DLG2: variants seen among roughly 807,000 people sequenced by gnomAD.
The protein encoded by DLG2 is disks large homolog 2.
In DLG2, 45 loss-of-function variants were observed where a neutral mutation model predicts 132.5. That is an observed-to-expected ratio of 0.34 (90% CI 0.27 to 0.44). The LOEUF is 0.44. DLG2 is among the 20% of genes least tolerant of loss of function. DLG2 has a pLI of 1.00. For missense variants in DLG2, 1,045 were observed against 1,196.9 expected, an observed-to-expected ratio of 0.87 and a Z score of 1.87; for synonymous variants, 424 against 419.6, an observed-to-expected ratio of 1.01 and a Z score of -0.13.
intron 3 of DLG2, among the ~76,000 whole-genome samples, chr11:85,309,556 G>A (rs1266896359): frequency 6.6e-6 from 1 of 151,990 alleles, no homozygotes; most frequent in Admixed American, 6.6e-5. Flanking sequence ...ATTCCCAATA[G>A]GCATTTAAAT....
At chr11:85,461,590 T>C (rs1265884149) in intron 3 of DLG2, among the ~76,000 whole-genome samples, 1 of 152,150 alleles carries the variant, frequency 6.6e-6, no homozygotes, top group Non-Finnish European at 1.5e-5. Flanking sequence ...TACTCATTCA[T>C]TTTTTTAACA....
intron 9 of DLG2, among the ~76,000 whole-genome samples, chr11:84,149,200 G>A (rs544999478): frequency 2.0e-5 from 3 of 152,172 alleles, no homozygotes; most frequent in Admixed American, 1.3e-4. Flanking sequence ...TTTCTCTGGT[G>A]TGCAGAAGCT....
chr11:83,701,448 A>T (rs951890483), intron 18 of DLG2, among the ~76,000 whole-genome samples: 1 of 152,170 alleles, frequency 6.6e-6, no homozygotes, highest in African/African-American at 2.4e-5. Context: ...TCATTCATCC[A>T]TCCATTAAAC....
At chr11:85,252,816 A>G (rs914418557) in intron 4 of DLG2, among the ~76,000 whole-genome samples, 1 of 152,162 alleles carries the variant, frequency 6.6e-6, no homozygotes, top group Non-Finnish European at 1.5e-5. Flanking sequence ...AGAGCAAAAC[A>G]TATGTATTTT....
intron 9 of DLG2, among the ~76,000 whole-genome samples, chr11:84,117,032 C>T (rs1160663300): frequency 6.6e-6 from 1 of 152,198 alleles, no homozygotes; most frequent in Non-Finnish European, 1.5e-5. Flanking sequence ...ATAAGCCTTG[C>T]AACTTTGCTC....
chr11:84,572,855 A>G (rs1424981159), intron 6 of DLG2, among the ~76,000 whole-genome samples: 1 of 152,122 alleles, frequency 6.6e-6, no homozygotes, highest in Non-Finnish European at 1.5e-5. Context: ...TGCAGCATCC[A>G]TCTGGGTTCC....
At chr11:84,101,881 A>G (rs559541711) in intron 9 of DLG2, among the ~76,000 whole-genome samples, 14 of 152,128 alleles carry the variant, frequency 9.2e-5, no homozygotes, top group Non-Finnish European at 1.8e-4. Context: ...AGGGTACTCA[A>G]AACTTTGTCC....
chr11:85,154,135 GAAAAA>G (rs34094958), intron 5 of DLG2, among the ~76,000 whole-genome samples: 10 of 57,660 alleles, frequency 1.7e-4, no homozygotes, highest in African/African-American at 5.6e-4. Flanking sequence ...TTCTTTTGGA[GAAAAA>G]AAAAAAAAAA....
intron 6 of DLG2, among the ~76,000 whole-genome samples, chr11:84,650,880 T>TACATAC (rs1565561397): frequency 1.8e-4 from 16 of 90,318 alleles, no homozygotes; most frequent in South Asian, 8.4e-4. Context: ...TGTGTATATA[T>TACATAC]ATATATATAT....
chr11:84,543,705 G>A (rs771172978), intron 6 of DLG2, among the ~76,000 whole-genome samples: 2 of 152,114 alleles, frequency 1.3e-5, no homozygotes, highest in East Asian at 1.9e-4. Flanking sequence ...TAGCAATATG[G>A]CTTGCCCAAA....
chr11:84,867,136 A>G (rs2084691944), intron 6 of DLG2, among the ~76,000 whole-genome samples: 1 of 152,240 alleles, frequency 6.6e-6, no homozygotes, highest in South Asian at 2.1e-4. Flanking sequence ...ATTCAAAGAT[A>G]AATAACAGTC....
At chr11:83,740,829 C>A (rs2092445797) in intron 18 of DLG2, among the ~76,000 whole-genome samples, 1 of 152,060 alleles carries the variant, frequency 6.6e-6, no homozygotes, top group African/African-American at 2.4e-5. Flanking sequence ...TTGCCATGCC[C>A]CCAGTGACTT....
intron 6 of DLG2, among the ~76,000 whole-genome samples, chr11:84,825,555 G>A (rs1384922305): frequency 6.6e-6 from 1 of 151,892 alleles, no homozygotes; most frequent in Non-Finnish European, 1.5e-5. Context: ...TCCCGCTGGT[G>A]TTTATATTGC....
At chr11:84,516,848 G>A (rs2099274678) in intron 7 of DLG2, among the ~76,000 whole-genome samples, 1 of 150,876 alleles carries the variant, frequency 6.6e-6, no homozygotes, top group South Asian at 2.1e-4. Context: ...TGTAAATTCA[G>A]CAGTACATTA....
chr11:84,198,782 G>T (rs529695002), intron 8 of DLG2, among the ~76,000 whole-genome samples: 5 of 152,138 alleles, frequency 3.3e-5, no homozygotes, highest in Admixed American at 6.5e-5. Context: ...AGAATGTAAA[G>T]AAACATAGAT....
chr11:84,060,534 C>T (rs2096575118), intron 10 of DLG2, among the ~76,000 whole-genome samples: 1 of 49,088 alleles, frequency 2.0e-5, no homozygotes, highest in Non-Finnish European at 7.1e-5. Flanking sequence ...ATCAAACTTT[C>T]CTCTTTTTTT....
In DLG2 at chr11:84,281,354, C is replaced by G. The variant is rs565821537; in HGVS notation, c.520-30063G>C. Among the ~76,000 whole-genome samples the G allele has an allele frequency of 1.3e-4, 20 of 151,854 alleles. 1 individual carries two copies. The South Asian group carries it at 4.2e-3, about 32-fold the overall frequency. The stretch of plus-strand genomic sequence containing the variant: ...AAATATTGTTAAGAAAATAGAGAAG[C>G]CACAGAATGAAAAGAGATACTTACA... On this transcript the variant is annotated intron_variant, in intron 7 of 27. Transcript: ENST00000376104.
intron 4 of DLG2, among the ~76,000 whole-genome samples, chr11:85,238,225 ATTTATTTATT>A (rs2075695334): frequency 7.2e-6 from 1 of 138,812 alleles, no homozygotes; most frequent in East Asian, 2.0e-4. Flanking sequence ...TTATTTATTT[ATTTATTTATT>A]TATTTATTTA....
At chr11:84,210,877 A>C (rs1171819179) in intron 8 of DLG2, among the ~76,000 whole-genome samples, 2 of 152,214 alleles carry the variant, frequency 1.3e-5, no homozygotes, top group African/African-American at 4.8e-5. Context: ...TTCTAGGGTG[A>C]TGTCAGTACT....
Sources: gnomAD v4.1 joint callset for allele counts (sites outside exome capture counted in the v4.1 genomes callset) on GRCh38, gnomAD v4.1.1 for gene constraint, MANE v1.5 for transcripts, NCBI Gene and HGNC (gene_info 2026-07-23, HGNC 2026-07-21) for gene names.